The following ZC3H3 variants were observed in gnomAD, a reference collection of about 807,000 sequenced individuals.
ZC3H3 encodes the protein zinc finger CCCH-type containing 3, also known as zinc finger CCCH domain-containing protein 3.
ZC3H3 carries 36 observed loss-of-function variants against 77.3 expected under a neutral mutation model. The observed-to-expected ratio is 0.47, with a 90% confidence interval of 0.36 to 0.61. ZC3H3 has a LOEUF of 0.61. Ranked by LOEUF, ZC3H3 falls within the 20% of genes least tolerant of loss-of-function variation. The probability of loss-of-function intolerance (pLI) is 0.00; values close to 1 mark genes in which losing one functional copy is unlikely to be tolerated. For synonymous variants in ZC3H3, 626 were observed against 555.2 expected (o/e 1.13, Z -1.79); for missense variants, 1,331 against 1,312.2 (o/e 1.01, Z -0.22).
At chr8:143,520,639 C>G (rs1214971226) in intron 3 of ZC3H3, among the ~76,000 whole-genome samples, 2 of 152,230 alleles carry the variant, frequency 1.3e-5, no homozygotes, top group Non-Finnish European at 2.9e-5. Context: ...CAGGCAGAGC[C>G]CAGGCTGAGC....
intron 5 of ZC3H3, among the ~76,000 whole-genome samples, chr8:143,470,087 G>A (rs1018088106): frequency 6.6e-6 from 1 of 152,190 alleles, no homozygotes; most frequent in Non-Finnish European, 1.5e-5. Context: ...CCCACCCGAG[G>A]ACCCAAGGCT....
At chr8:143,496,852 A>G (rs1220728010) in intron 4 of ZC3H3, among the ~76,000 whole-genome samples, 1 of 152,248 alleles carries the variant, frequency 6.6e-6, no homozygotes, top group Admixed American at 6.5e-5. Context: ...AAAATTGCGA[A>G]TCTGCATCTC....
rs747533343 is a variant in ZC3H3, at chr8:143,468,521, G to A, written c.1966C>T (p.Leu656=). 5.6e-5 allele frequency: 90 copies of A among 1,608,854 alleles called. No homozygotes were observed. Among genetic ancestry groups the A allele is most frequent in the Middle Eastern group, 1.7e-4 (1 of 6,054 alleles). Residue 656 remains leucine, a synonymous_variant, in exon 7 of 12, where the codon CTG becomes TTG. Transcript: ENST00000262577. ...SLASRAVQRS[L]AIIRQARQRR... is the part of the protein sequence containing the mutation. Reference sequence around the variant, plus strand: ...TGCCGCGCCTGCCGGATGATGGCCAGGCTGCGCTGCACTGCCCGGCTGCAG... The same window carrying A: ...TGCCGCGCCTGCCGGATGATGGCCAAGCTGCGCTGCACTGCCCGGCTGCAG...
rs1821255288 is a variant in ZC3H3, at chr8:143,493,223, CTCCTCAGGGTCCT to C, written c.1715+14510_1715+14522del. On this transcript the variant is annotated intron_variant, in intron 4 of 11. Coordinates refer to ENST00000262577, the MANE Select transcript of ZC3H3 (RefSeq NM_015117.3). This position sits in a 1 kb window ranked among gnomAD's most constrained non-coding sequence, Gnocchi z 4.8. ...TCCCGTGTCCTGGCCCAGGGGCTCC[CTCCTCAGGGTCCT>C]GTGTCCTGGCCCAGATCTGCCCTGC... Among the ~76,000 whole-genome samples the C allele has an allele frequency of 2.0e-5, 3 of 152,122 alleles. No individual in the cohort carries two copies. Among genetic ancestry groups the C allele is most frequent in the Admixed American group, 2.0e-4 (3 of 15,274 alleles).
chr8:143,497,710 C>T (rs1488097333), intron 4 of ZC3H3, among the ~76,000 whole-genome samples: 3 of 152,242 alleles, frequency 2.0e-5, no homozygotes, highest in African/African-American at 7.2e-5. Flanking sequence ...GGCCAGCAGC[C>T]CCACAGCAGG....
At chr8:143,513,426 C>T (rs1037627787) in intron 3 of ZC3H3, among the ~76,000 whole-genome samples, 1 of 152,326 alleles carries the variant, frequency 6.6e-6, no homozygotes, top group African/African-American at 2.4e-5. Flanking sequence ...ATCCTGCCCC[C>T]ACCAAGGCTG....
At chr8:143,528,300 C>T (rs1822485763) in intron 3 of ZC3H3, among the ~76,000 whole-genome samples, 1 of 152,226 alleles carries the variant, frequency 6.6e-6, no homozygotes, top group African/African-American at 2.4e-5. Context: ...ACCCAGCCAA[C>T]TCACAACAGA....
At chr8:143,507,623 C>T (rs1821742300) in intron 4 of ZC3H3, 123 bp downstream of exon 4, 5 of 1,199,530 alleles carry the variant, frequency 4.2e-6, no homozygotes, top group Non-Finnish European at 4.3e-6. Flanking sequence ...ACGAGCCCAA[C>T]ACCAAGCAGT....
intron 3 of ZC3H3, among the ~76,000 whole-genome samples, chr8:143,523,687 G>A (rs775950467): frequency 5.9e-5 from 9 of 152,206 alleles, no homozygotes; most frequent in Admixed American, 2.6e-4. Flanking sequence ...CAGGCTTCAC[G>A]CCACCAGGAG....
intron 3 of ZC3H3, among the ~76,000 whole-genome samples, chr8:143,513,822 G>C (rs558091824): frequency 1.5e-4 from 23 of 152,344 alleles, no homozygotes; most frequent in African/African-American, 5.5e-4. Context: ...CCTCCTGGAA[G>C]GCACCTGGGC....
At chr8:143,500,724 C>T (rs1821499547) in intron 4 of ZC3H3, among the ~76,000 whole-genome samples, 1 of 152,130 alleles carries the variant, frequency 6.6e-6, no homozygotes, top group African/African-American at 2.4e-5. Context: ...GCCCCTCCCA[C>T]CACACAGCAC....
rs1206409870 is a variant in ZC3H3, at chr8:143,530,892, T to A, written c.1561+5365A>T. Among the ~76,000 whole-genome samples, 1 of 151,702 alleles carries A rather than the reference T, an allele frequency of 6.6e-6. No homozygotes were observed. ...AGAGACAGATCAACCCAGGCAGGTC[T>A]CTACTGCAGCCTCCAGCAAACATTA... On this transcript the variant is annotated intron_variant, in intron 3 of 11. Coordinates refer to ENST00000262577, the MANE Select transcript of ZC3H3 (RefSeq NM_015117.3). The surrounding 1 kb of genome is among the most constrained non-coding windows in gnomAD (Gnocchi z 4.3).
chr8:143,500,026 C>A (rs1487274470), intron 4 of ZC3H3, among the ~76,000 whole-genome samples: 1 of 152,180 alleles, frequency 6.6e-6, no homozygotes, highest in African/African-American at 2.4e-5. Flanking sequence ...GACACCACCC[C>A]CCAGCCCCTA....
In ZC3H3 at chr8:143,493,956, G is replaced by A. The variant is rs936106870; in HGVS notation, c.1715+13790C>T. Among the ~76,000 whole-genome samples the A allele has an allele frequency of 6.6e-6, 1 of 152,212 alleles. No individual in the cohort carries two copies. Among genetic ancestry groups the A allele is most frequent in the African/African-American group, 2.4e-5 (1 of 41,456 alleles). On this transcript the variant is annotated intron_variant, in intron 4 of 11. Transcript: ENST00000262577. This position sits in a 1 kb window ranked among gnomAD's most constrained non-coding sequence, Gnocchi z 4.8. ...ATAAAATAAAAAATTATAAAAATGA[G>A]CACAGGCACAGGGAGGCCATCACAT...
chr8:143,461,781 C>T (rs578049353), intron 9 of ZC3H3, among the ~76,000 whole-genome samples: 2 of 151,858 alleles, frequency 1.3e-5, no homozygotes, highest in African/African-American at 4.8e-5. Context: ...AGAAACTTAC[C>T]GAGACAGAAG....
chr8:143,469,605 G>A (rs554686852), intron 5 of ZC3H3, among the ~76,000 whole-genome samples: 194 of 152,344 alleles, frequency 1.3e-3, no homozygotes, highest in Admixed American at 4.6e-3. Flanking sequence ...CTGGGAGTGC[G>A]GTGGTGGCAG....
At chr8:143,495,088 C>T (rs1390620246) in intron 4 of ZC3H3, among the ~76,000 whole-genome samples, 1 of 152,152 alleles carries the variant, frequency 6.6e-6, no homozygotes, top group Admixed American at 6.5e-5. Context: ...ATCCCACGCG[C>T]GACAGTCATG....
chr8:143,529,248 C>T (rs536034880), intron 3 of ZC3H3, among the ~76,000 whole-genome samples: 216 of 147,130 alleles, frequency 1.5e-3, no homozygotes, highest in Non-Finnish European at 2.0e-3. Flanking sequence ...CCGGGAGAAG[C>T]CGCTGGGGAC....
chr8:143,525,688 T>C (rs1822390143), intron 3 of ZC3H3, among the ~76,000 whole-genome samples: 1 of 152,220 alleles, frequency 6.6e-6, no homozygotes, highest in South Asian at 2.1e-4. Flanking sequence ...CTTCCTGCTA[T>C]GCCTTCCCAT....
Sources: gnomAD v4.1 joint callset for allele counts (sites outside exome capture counted in the v4.1 genomes callset) on GRCh38, gnomAD v4.1.1 for gene constraint, Gnocchi (gnomAD v3.1) non-coding constraint, MANE v1.5 for transcripts, NCBI Gene and HGNC (gene_info 2026-07-23, HGNC 2026-07-21) for gene names.